The following PTPRZ1 variants were observed in gnomAD, a reference collection of about 807,000 sequenced individuals.
The protein encoded by PTPRZ1 is protein tyrosine phosphatase receptor type Z1.
PTPRZ1 carries 82 observed loss-of-function variants against 214.1 expected under a neutral mutation model. That is an observed-to-expected ratio of 0.38 (90% CI 0.32 to 0.46). The LOEUF (loss-of-function observed/expected upper bound fraction) is 0.46, where lower values mean the gene tolerates loss of function less well. Among genes scored for constraint, PTPRZ1 ranks in the 20% least tolerant of loss-of-function variants. The pLI is 1.00. For missense variants in PTPRZ1, 2,603 were observed against 2,748.7 expected (o/e 0.95, Z 1.19); for synonymous variants, 945 against 987.9 (o/e 0.96, Z 0.81).
In PTPRZ1 at chr7:122,028,572, A is replaced by G; in HGVS notation, c.5009A>G (p.His1670Arg). Reference protein sequence around the residue: ...IYWRKCFQTAHFYLEDSTSPR... With the variant: ...IYWRKCFQTARFYLEDSTSPR... ...TCCAGGAAATGCTTCCAGACTGCAC[A>G]CTTTTACTTAGAGGACAGTACATCC... is the stretch of plus-strand genomic sequence containing the variant. The change falls in exon 14 of 30, where the codon CAC (histidine) becomes CGC (arginine). Residue 1670 changes from histidine (H) to arginine (R), a missense_variant. Coordinates refer to ENST00000393386, the MANE Select transcript of PTPRZ1 (RefSeq NM_002851.3). The G allele has an allele frequency of 6.5e-7, 1 of 1,541,358 alleles. No homozygotes were observed. The highest frequency in any genetic ancestry group is 9.0e-7 in the Non-Finnish European group (1 of 1,114,350).
chr7:121,949,414 T>C (rs915283139), intron 2 of PTPRZ1, among the ~76,000 whole-genome samples: 4 of 152,198 alleles, frequency 2.6e-5, no homozygotes, highest in African/African-American at 9.7e-5. Flanking sequence ...TATGAATTAC[T>C]GTTGTTATAA....
intron 2 of PTPRZ1, among the ~76,000 whole-genome samples, chr7:121,964,938 G>A (rs546692472): frequency 3.3e-5 from 5 of 152,286 alleles, no homozygotes; most frequent in African/African-American, 4.8e-5. Context: ...GTAGAGAACC[G>A]GAGCAGAGAG....
At chr7:121,969,333 G>C (rs900499311) in intron 3 of PTPRZ1, among the ~76,000 whole-genome samples, 1 of 152,128 alleles carries the variant, frequency 6.6e-6, no homozygotes, top group African/African-American at 2.4e-5. Flanking sequence ...AGGCCAAGGT[G>C]GGTGGATCAC....
chr7:121,934,339 G>A (rs1213448531), intron 2 of PTPRZ1, among the ~76,000 whole-genome samples: 1 of 151,822 alleles, frequency 6.6e-6, no homozygotes, highest in Non-Finnish European at 1.5e-5. Context: ...ACCCTAACAA[G>A]AGCATGGACA....
intron 2 of PTPRZ1, among the ~76,000 whole-genome samples, chr7:121,964,751 T>A (rs904120462): frequency 6.6e-6 from 1 of 152,154 alleles, no homozygotes; most frequent in Non-Finnish European, 1.5e-5. Flanking sequence ...CGAAAGTCTC[T>A]CCTGTAGATG....
chr7:121,949,909 A>G (rs1796501641), intron 2 of PTPRZ1, among the ~76,000 whole-genome samples: 1 of 152,238 alleles, frequency 6.6e-6, no homozygotes, highest in Admixed American at 6.5e-5. Flanking sequence ...GTATTTAAAT[A>G]TAAGTAGAAA....
intron 1 of PTPRZ1, among the ~76,000 whole-genome samples, chr7:121,878,218 T>C (rs546430800): frequency 6.6e-6 from 1 of 152,320 alleles, no homozygotes; most frequent in East Asian, 1.9e-4. Context: ...TAAAATTTAT[T>C]AAAATAAAAC....
intron 13 of PTPRZ1, among the ~76,000 whole-genome samples, chr7:122,022,384 T>C (rs1584751551): frequency 6.6e-6 from 1 of 152,210 alleles, no homozygotes; most frequent in Non-Finnish European, 1.5e-5. Context: ...GTCTTTCTAT[T>C]ATTGAGTTGT....
intron 15 of PTPRZ1, 46 bp from the exon 16 acceptor site, chr7:122,034,049 G>A: frequency 6.5e-7 from 1 of 1,535,340 alleles, no homozygotes; most frequent in Admixed American, 1.7e-5. Context: ...GTCGTGTGCT[G>A]TGGAATTTGA....
At position 122,051,942 on chromosome 7, in the gene PTPRZ1, A is replaced by G. The variant is rs756066759; in HGVS notation, c.6252+3A>G. 3.1e-5 allele frequency: 50 copies of G among 1,590,850 alleles called. No homozygotes were observed. Among genetic ancestry groups the G allele is most frequent in the Middle Eastern group, 3.3e-4 (2 of 5,992 alleles). On this transcript the variant is annotated splice_donor_region_variant and intron_variant, in intron 25 of 29. Coordinates refer to ENST00000393386, the MANE Select transcript of PTPRZ1 (RefSeq NM_002851.3). Reference sequence around the variant, plus strand: ...ACATCAATGCCTCCTATATCATGGTAAGTCAGAGAAGTCACTGAGGAGACT... The same window carrying G: ...ACATCAATGCCTCCTATATCATGGTGAGTCAGAGAAGTCACTGAGGAGACT...
intron 1 of PTPRZ1, among the ~76,000 whole-genome samples, chr7:121,883,493 A>G (rs1794302307): frequency 6.6e-6 from 1 of 152,244 alleles, no homozygotes; most frequent in Admixed American, 6.5e-5. Context: ...CTTGAAGGCC[A>G]TCATATTTAT....
chr7:121,924,702 T>A (rs1302450632), intron 1 of PTPRZ1, among the ~76,000 whole-genome samples: 1 of 152,176 alleles, frequency 6.6e-6, no homozygotes, highest in Non-Finnish European at 1.5e-5. Context: ...ATAAAATGCT[T>A]GTTAAATACA....
At chr7:122,035,453 A>T (rs983127710) in intron 17 of PTPRZ1, among the ~76,000 whole-genome samples, 1 of 152,216 alleles carries the variant, frequency 6.6e-6, no homozygotes, top group Non-Finnish European at 1.5e-5. Context: ...GGTAATTAAG[A>T]AGGAGACAGA....
chr7:121,937,079 A>G (rs929561986), intron 2 of PTPRZ1, among the ~76,000 whole-genome samples: 1 of 152,184 alleles, frequency 6.6e-6, no homozygotes, highest in African/African-American at 2.4e-5. Flanking sequence ...ACTGTTATAG[A>G]CTGTTATAGA....
intron 8 of PTPRZ1, among the ~76,000 whole-genome samples, chr7:121,989,375 GTTT>G (rs11395654): frequency 1.5e-5 from 2 of 137,446 alleles, no homozygotes; most frequent in Admixed American, 7.4e-5. Context: ...TCCTATGAAA[GTTT>G]TTTTTTTTTT....
intron 1 of PTPRZ1, among the ~76,000 whole-genome samples, chr7:121,879,812 T>C (rs772974316): frequency 6.6e-6 from 1 of 152,024 alleles, no homozygotes; most frequent in Non-Finnish European, 1.5e-5. Flanking sequence ...TTTCCTTCCT[T>C]CCCCTTTCCT....
chr7:121,982,361 TAA>T (rs1352130103), intron 6 of PTPRZ1, among the ~76,000 whole-genome samples: 1 of 152,196 alleles, frequency 6.6e-6, no homozygotes, highest in African/African-American at 2.4e-5. Flanking sequence ...AAGATTGTCT[TAA>T]CTTTTCTTTG....
chr7:121,891,439 A>C (rs1433568904), intron 1 of PTPRZ1, among the ~76,000 whole-genome samples: 7 of 120,496 alleles, frequency 5.8e-5, no homozygotes. Flanking sequence ...TATTTGTTGA[A>C]TAAAACAACC....
intron 1 of PTPRZ1, among the ~76,000 whole-genome samples, chr7:121,916,984 T>C (rs1470913756): frequency 2.0e-5 from 3 of 152,156 alleles, no homozygotes; most frequent in Admixed American, 6.6e-5. Context: ...AGGCATGAGA[T>C]GGGGACTAAA....
Sources: allele counts gnomAD v4.1 joint callset (sites outside exome capture counted in the v4.1 genomes callset), GRCh38; gene constraint gnomAD v4.1.1; transcripts MANE v1.5; gene names NCBI Gene and HGNC (gene_info 2026-07-23, HGNC 2026-07-21).